Variants in SLC26A7 observed in about 807,000 individuals in gnomAD.
SLC26A7 encodes the protein solute carrier family 26 member 7, also known as anion exchange transporter.
SLC26A7 carries 59 observed loss-of-function variants against 82.5 expected under a neutral mutation model. That is an observed-to-expected ratio of 0.72 (90% confidence interval 0.58 to 0.89). SLC26A7 has a LOEUF of 0.89. Among genes scored for constraint, SLC26A7 ranks in the 40% least tolerant of loss-of-function variants. The pLI is 0.00. For synonymous variants in SLC26A7, 271 were observed against 274.3 expected (o/e 0.99, Z 0.12); for missense variants, 820 against 793.0 (o/e 1.03, Z -0.41).
chr8:91,362,251 G>A (rs926639638), intron 11 of SLC26A7, 102 bp from the exon 12 acceptor site: 2 of 703,936 alleles, frequency 2.8e-6, no homozygotes, highest in African/African-American at 3.6e-5. Context: ...TGAAAGATTT[G>A]GTCACAAGAG....
chr8:91,374,045 T>C (rs1044344013), intron 15 of SLC26A7, among the ~76,000 whole-genome samples: 2 of 152,054 alleles, frequency 1.3e-5, no homozygotes, highest in African/African-American at 4.8e-5. Context: ...GAAGATCTCC[T>C]GGATTTCTGT....
At chr8:91,218,080 C>T (rs1025098224) in intron 1 of SLC26A7, among the ~76,000 whole-genome samples, 1 of 152,130 alleles carries the variant, frequency 6.6e-6, no homozygotes, top group Non-Finnish European at 1.5e-5. Context: ...GAAGAGTGAA[C>T]AGAACAGCAA....
chr8:91,351,742 C>T (rs945724550), intron 9 of SLC26A7, 68 bp from the exon 10 acceptor site: 7 of 1,003,424 alleles, frequency 7.0e-6, no homozygotes, highest in Admixed American at 1.8e-5. Flanking sequence ...CCCCCCACCC[C>T]ATAACTTTGA....
chr8:91,297,428 A>G (rs1022857852), intron 4 of SLC26A7, among the ~76,000 whole-genome samples: 3 of 151,998 alleles, frequency 2.0e-5, no homozygotes, highest in African/African-American at 7.3e-5. Context: ...TATATGTCTC[A>G]TTTCCCCGAA....
chr8:91,317,904 C>T (rs1163683005), intron 4 of SLC26A7, among the ~76,000 whole-genome samples: 1 of 144,698 alleles, frequency 6.9e-6, no homozygotes, highest in Admixed American at 7.0e-5. Context: ...TCACATTGTA[C>T]CTAATAACGT....
chr8:91,286,624 G>A (rs1444112876), intron 2 of SLC26A7, among the ~76,000 whole-genome samples: 1 of 152,080 alleles, frequency 6.6e-6, no homozygotes, highest in East Asian at 1.9e-4. Context: ...ATTTTTCCCC[G>A]AAATAGTAGC....
chr8:91,266,991 C>T (rs1299024571), intron 2 of SLC26A7, among the ~76,000 whole-genome samples: 4 of 151,766 alleles, frequency 2.6e-5, no homozygotes, highest in East Asian at 1.9e-4. Flanking sequence ...ATCTTTGAAA[C>T]GATCATATGG....
chr8:91,354,957 C>G (rs1019229712), intron 11 of SLC26A7, among the ~76,000 whole-genome samples: 1 of 151,646 alleles, frequency 6.6e-6, no homozygotes, highest in Admixed American at 6.6e-5. Context: ...TCTCTGTTTT[C>G]TGTACATCAC....
chr8:91,319,929 G>A (rs1812743843), intron 5 of SLC26A7, among the ~76,000 whole-genome samples: 1 of 152,080 alleles, frequency 6.6e-6, no homozygotes, highest in Non-Finnish European at 1.5e-5. Context: ...TCTCTGGTGG[G>A]AATGTGTATA....
chr8:91,378,174 G>GA (rs1311197057), intron 15 of SLC26A7, among the ~76,000 whole-genome samples: 1 of 151,428 alleles, frequency 6.6e-6, no homozygotes, highest in Non-Finnish European at 1.5e-5. Context: ...TGAATAAATG[G>GA]AAAAAAGGGA....
intron 2 of SLC26A7, among the ~76,000 whole-genome samples, chr8:91,273,327 T>C (rs927636304): frequency 6.6e-6 from 1 of 152,128 alleles, no homozygotes; most frequent in African/African-American, 2.4e-5. Flanking sequence ...ATTGTGGTCA[T>C]GGTATGGGAT....
rs1186319592 is a variant in SLC26A7 at position 91,366,678 on chromosome 8, G to C, written c.1587G>C (p.Lys529Asn). ...CTGATTTAATGAACATGATCCAAAAGGAAAATGCCTGTAATCAGCCACTTG... is the reference window on the plus strand; with the variant it reads ...CTGATTTAATGAACATGATCCAAAACGAAAATGCCTGTAATCAGCCACTTG... Reference protein sequence around the residue: ...FYTDLMNMIQKENACNQPLDD... With the variant: ...FYTDLMNMIQNENACNQPLDD... The change falls in exon 14 of 19, where the codon AAG becomes AAC. Residue 529 changes from lysine (K) to asparagine (N), a missense_variant. Transcript: ENST00000276609. 5 of 1,613,198 alleles carry C rather than the reference G, an allele frequency of 3.1e-6. No individual in the cohort carries two copies. In the Admixed American group the frequency reaches 6.7e-5, roughly 22 times the overall value.
At chr8:91,369,162 A>G (rs1563704105) in intron 14 of SLC26A7, among the ~76,000 whole-genome samples, 1 of 152,238 alleles carries the variant, frequency 6.6e-6, no homozygotes, top group Non-Finnish European at 1.5e-5. Flanking sequence ...TTTCATATAA[A>G]AAATAAAATT....
intron 15 of SLC26A7, among the ~76,000 whole-genome samples, chr8:91,387,248 C>T (rs1430814159): frequency 6.6e-6 from 1 of 151,984 alleles, no homozygotes; most frequent in Admixed American, 6.6e-5. Context: ...GCATATTATA[C>T]CTGAAAATAT....
At chr8:91,380,584 G>C (rs1171598037) in intron 15 of SLC26A7, among the ~76,000 whole-genome samples, 1 of 152,064 alleles carries the variant, frequency 6.6e-6, no homozygotes, top group African/African-American at 2.4e-5. Context: ...TAACAATTAT[G>C]ACATACCATT....
intron 4 of SLC26A7, among the ~76,000 whole-genome samples, chr8:91,306,586 A>G (rs1178130254): frequency 1.3e-5 from 2 of 152,164 alleles, no homozygotes; most frequent in East Asian, 3.8e-4. Context: ...CCCAGAGTTG[A>G]CATATAACCC....
intron 14 of SLC26A7, among the ~76,000 whole-genome samples, 162 bp from the exon 15 acceptor site, chr8:91,369,623 A>G (rs1347376453): frequency 6.6e-6 from 1 of 152,192 alleles, no homozygotes; most frequent in East Asian, 1.9e-4. Flanking sequence ...TTATTATTTC[A>G]TAGTTTGTTT....
intron 11 of SLC26A7, among the ~76,000 whole-genome samples, chr8:91,356,081 G>C (rs929205143): frequency 1.3e-5 from 2 of 152,126 alleles, no homozygotes; most frequent in Non-Finnish European, 2.9e-5. Context: ...TGGCTGCATA[G>C]TATTCCATGG....
At chr8:91,289,557 A>G (rs1415071534) in intron 3 of SLC26A7, among the ~76,000 whole-genome samples, 1 of 152,140 alleles carries the variant, frequency 6.6e-6, no homozygotes, top group Non-Finnish European at 1.5e-5. Flanking sequence ...AGGCAGGAGA[A>G]TCGCTTGAAC....
Sources: gnomAD v4.1 joint callset for allele counts (sites outside exome capture counted in the v4.1 genomes callset) on GRCh38, gnomAD v4.1.1 for gene constraint, MANE v1.5 for transcripts, NCBI Gene and HGNC (gene_info 2026-07-23, HGNC 2026-07-21) for gene names.